The following LRP2BP variants were observed in gnomAD, a reference collection of about 807,000 sequenced individuals.
The protein encoded by LRP2BP is LRP2-binding protein.
A neutral mutation model predicts 45.2 loss-of-function variants in LRP2BP; 38 were observed. The observed-to-expected ratio is 0.84, with a 90% confidence interval of 0.65 to 1.10. The LOEUF (loss-of-function observed/expected upper bound fraction) is 1.10, where lower values mean the gene tolerates loss of function less well. LRP2BP is among the 50% of genes least tolerant of loss of function. The pLI, the probability that LRP2BP is intolerant of heterozygous loss-of-function variation, is 0.00. For synonymous variants in LRP2BP, 153 were observed against 153.9 expected (o/e 0.99, Z 0.04); for missense variants, 385 against 418.9 (o/e 0.92, Z 0.71).
intron 1 of LRP2BP, among the ~76,000 whole-genome samples, chr4:185,386,186 A>G (rs2095471402): frequency 6.6e-6 from 1 of 152,248 alleles, no homozygotes; most frequent in Admixed American, 6.5e-5. Flanking sequence ...TTTAAAAAGA[A>G]GCATAATTAT....
intron 1 of LRP2BP, chr4:185,378,951 A>G: frequency 5.1e-6 from 5 of 985,312 alleles, no homozygotes; most frequent in Non-Finnish European, 6.0e-6. Context: ...AAATAGAGAG[A>G]CCCTTAGTGT....
At chr4:185,390,922 G>A (rs530662021) in intron 1 of LRP2BP, 3 of 152,256 alleles carry the variant, frequency 2.0e-5, no homozygotes, top group African/African-American at 7.2e-5. Context: ...CCACAACTAG[G>A]AAACCAACAT....
chr4:185,367,409 A>G (rs992975041), intron 8 of LRP2BP, among the ~76,000 whole-genome samples, 164 bp from the exon 9 acceptor site: 9 of 151,960 alleles, frequency 5.9e-5, no homozygotes, highest in Admixed American at 3.3e-4. Context: ...ACTTTAACCT[A>G]TGCAGAATAG....
Position 185,382,249 on chromosome 4 carries a change from A to T in LRP2BP, c.-21-4042T>A, listed in dbSNP as rs560083179. 1.5e-4 allele frequency among the ~76,000 whole-genome samples: 23 copies of T among 152,304 alleles called. No homozygotes were observed. The South Asian group carries it at 4.8e-3, about 32-fold the overall frequency. ...TTAACATTTCATTATATGGATTTTTAAAAAATCTGTTCATCAGTTGATAAG... is the reference window on the plus strand; with the variant it reads ...TTAACATTTCATTATATGGATTTTTTAAAAATCTGTTCATCAGTTGATAAG... On this transcript the variant is annotated intron_variant, in intron 1 of 8. Transcript: ENST00000505916.
Position 185,373,424 on chromosome 4 carries a change from G to C in LRP2BP, c.580-345C>G, listed in dbSNP as rs117601814. On this transcript the variant is annotated intron_variant, in intron 6 of 8. Transcript: ENST00000505916. ...TGTCTGAAAGGCGTGAGGCACAGCA[G>C]AGGAGGGGAAACCACTGATGCTAAG... 5.9e-5 allele frequency among the ~76,000 whole-genome samples: 9 copies of C among 152,332 alleles called. No homozygotes were observed. The East Asian group carries it at 1.7e-3, about 29-fold the overall frequency.
At position 185,365,601 on chromosome 4, in the gene LRP2BP, G is replaced by T. The variant is rs915274671; in HGVS notation, c.*1579C>A. The T allele has an allele frequency of 6.7e-6, 1 of 150,140 alleles. No individual in the cohort carries two copies. The highest frequency in any genetic ancestry group is 2.5e-5 in the African/African-American group (1 of 40,520). 9.3% of individuals were successfully genotyped at this position (150,140 alleles called of 1,614,324 possible). A position where few individuals can be genotyped will look rare whatever the true frequency, so the allele number is the denominator to read the frequency against. On this transcript the variant is annotated 3_prime_UTR_variant, in exon 9 of 9. Transcript: ENST00000505916. ...AAACTCCTGACCTCATGATCTGCCCGCCTCAGCCTCCCAAAGTGCTGGGAT... is the reference window on the plus strand; with the variant it reads ...AAACTCCTGACCTCATGATCTGCCCTCCTCAGCCTCCCAAAGTGCTGGGAT...
chr4:185,390,807 T>C (rs1370309913), intron 1 of LRP2BP: 2 of 152,178 alleles, frequency 1.3e-5, no homozygotes, highest in Non-Finnish European at 2.9e-5. Context: ...TGAAGTACAC[T>C]TTATGTTTTA....
chr4:185,372,447 A>G (rs1202139937), intron 7 of LRP2BP, among the ~76,000 whole-genome samples: 4 of 152,246 alleles, frequency 2.6e-5, no homozygotes, highest in East Asian at 3.8e-4. Context: ...CTCAATAGCT[A>G]TCATTTCTAA....
At chr4:185,375,510 A>ATGTG (rs1554018449) in intron 4 of LRP2BP, 103 bp downstream of exon 4, 3 of 63,432 alleles carry the variant, frequency 4.7e-5, no homozygotes, top group African/African-American at 2.8e-4. Context: ...ATATATATAT[A>ATGTG]TATATGTATA....
At chr4:185,380,818 T>A (rs2095453834) in intron 1 of LRP2BP, among the ~76,000 whole-genome samples, 1 of 152,108 alleles carries the variant, frequency 6.6e-6, no homozygotes, top group African/African-American at 2.4e-5. Context: ...TAAATTTGCC[T>A]TTCAGATTTT....
At chr4:185,380,834 G>GT (rs1377986131) in intron 1 of LRP2BP, among the ~76,000 whole-genome samples, 4 of 150,582 alleles carry the variant, frequency 2.7e-5, no homozygotes, top group Non-Finnish European at 4.4e-5. Context: ...ATTTTCCATC[G>GT]TTTTTTTTCT....
At chr4:185,394,562 T>C (rs1177283528) in intron 1 of LRP2BP, among the ~76,000 whole-genome samples, 1 of 152,248 alleles carries the variant, frequency 6.6e-6, no homozygotes, top group African/African-American at 2.4e-5. Context: ...GAATAGACGT[T>C]AGTGGTTAAT....
intron 1 of LRP2BP, among the ~76,000 whole-genome samples, chr4:185,382,372 G>A (rs2095458268): frequency 6.6e-6 from 1 of 152,080 alleles, no homozygotes; most frequent in South Asian, 2.1e-4. Context: ...AATTCTCTTG[G>A]GTATGTACCT....
chr4:185,369,358 C>T (rs1464413002), intron 8 of LRP2BP, among the ~76,000 whole-genome samples: 1 of 142,280 alleles, frequency 7.0e-6, no homozygotes, highest in Non-Finnish European at 1.5e-5. Context: ...GCTGGGTTTA[C>T]AGGCACACAT....
chr4:185,392,730 A>G (rs935547907), intron 1 of LRP2BP, among the ~76,000 whole-genome samples: 2 of 152,192 alleles, frequency 1.3e-5, no homozygotes, highest in African/African-American at 2.4e-5. Context: ...TTATTGCCAT[A>G]ATATCATTAT....
In LRP2BP at chr4:185,366,110, C is replaced by G. The variant is rs2095387245; in HGVS notation, c.*1070G>C. 1 of 152,204 alleles carries G rather than the reference C, an allele frequency of 6.6e-6. No individual in the cohort carries two copies. The highest frequency in any genetic ancestry group is 2.1e-4 in the South Asian group (1 of 4,836). The allele number at this position is 152,204 out of a possible 1,614,324, so 9.4% of individuals were successfully genotyped here. A position where few individuals can be genotyped will look rare whatever the true frequency, so the allele number is the denominator to read the frequency against. On this transcript the variant is annotated 3_prime_UTR_variant, in exon 9 of 9. Coordinates refer to ENST00000505916, the MANE Select transcript of LRP2BP (RefSeq NM_001377440.1). ...ATAAAAAAAGGAATAGTTAAGGTAT[C>G]TCTGAGACCTGTCTTCGATATGTAT...
chr4:185,371,404 T>C lies in LRP2BP; in HGVS notation c.804-590A>G, dbSNP rs184089869. On this transcript the variant is annotated intron_variant, in intron 7 of 8. Coordinates refer to ENST00000505916, the MANE Select transcript of LRP2BP (RefSeq NM_001377440.1). ...AAAGATACAAAAAATTAGCTGGGCA[T>C]GGTAGCGGGTGCCTGTAGTCCCAGC... Among the ~76,000 whole-genome samples the C allele has an allele frequency of 1.6e-3, 248 of 152,092 alleles. 1 individual carries two copies. The highest frequency in any genetic ancestry group is 5.6e-3 in the African/African-American group (233 of 41,486).
chr4:185,392,997 G>A (rs1159656818), intron 1 of LRP2BP, among the ~76,000 whole-genome samples: 1 of 152,064 alleles, frequency 6.6e-6, no homozygotes, highest in East Asian at 1.9e-4. Flanking sequence ...GCAGTGGCAC[G>A]ATCTCGGCTC....
intron 1 of LRP2BP, chr4:185,378,659 A>G: frequency 1.0e-6 from 1 of 987,220 alleles, no homozygotes; most frequent in Middle Eastern, 5.2e-4. Flanking sequence ...AATACACTTT[A>G]TTTTAGCTGT....
Sources: gnomAD v4.1 joint callset for allele counts (sites outside exome capture counted in the v4.1 genomes callset) on GRCh38, gnomAD v4.1.1 for gene constraint, MANE v1.5 for transcripts, NCBI Gene and HGNC (gene_info 2026-07-23, HGNC 2026-07-21) for gene names.